IQCM: variants seen among roughly 807,000 people sequenced by gnomAD.
The protein encoded by IQCM is IQ motif containing M, also known as IQ domain-containing protein M.
In IQCM, 45 loss-of-function variants were observed where a neutral mutation model predicts 57.6. The observed-to-expected ratio is 0.78, with a 90% CI of 0.62 to 1.00. The LOEUF is 1.00. IQCM is among the 50% of genes least tolerant of loss of function. IQCM has a pLI of 0.00. For missense variants in IQCM, 468 were observed against 511.6 expected, an observed-to-expected ratio of 0.91 and a Z score of 0.82; for synonymous variants, 148 against 158.9, an observed-to-expected ratio of 0.93 and a Z score of 0.51.
chr4:149,680,740 C>T (rs1762118742), intron 7 of IQCM, among the ~76,000 whole-genome samples: 2 of 151,436 alleles, frequency 1.3e-5, no homozygotes, highest in Non-Finnish European at 3.0e-5. Context: ...AAACTTATCA[C>T]ATGGGTGACT....
chr4:149,574,827 G>A (rs1751486790), intron 9 of IQCM, among the ~76,000 whole-genome samples: 1 of 151,934 alleles, frequency 6.6e-6, no homozygotes, highest in Non-Finnish European at 1.5e-5. Flanking sequence ...TTCATAGGTT[G>A]AAAGTGATTA....
intron 5 of IQCM, among the ~76,000 whole-genome samples, chr4:149,716,131 T>G (rs1764973048): frequency 6.6e-6 from 1 of 152,148 alleles, no homozygotes; most frequent in African/African-American, 2.4e-5. Context: ...CCTGCTGCCA[T>G]CAACCTGCCA....
At chr4:149,476,250 C>T (rs1466125992) in intron 12 of IQCM, among the ~76,000 whole-genome samples, 2 of 152,074 alleles carry the variant, frequency 1.3e-5, no homozygotes, top group South Asian at 2.1e-4. Context: ...ATAACAAAGG[C>T]GTAAATAGTT....
At chr4:149,761,884 T>A (rs1769552946) in intron 2 of IQCM, among the ~76,000 whole-genome samples, 1 of 152,090 alleles carries the variant, frequency 6.6e-6, no homozygotes, top group Non-Finnish European at 1.5e-5. Context: ...TTCTCAAATA[T>A]GTATAGCATT....
chr4:149,698,901 T>C (rs1763541958), intron 5 of IQCM, among the ~76,000 whole-genome samples: 1 of 152,008 alleles, frequency 6.6e-6, no homozygotes, highest in Admixed American at 6.6e-5. Context: ...AAAAAGTATA[T>C]AAGGATAAAA....
intron 9 of IQCM, among the ~76,000 whole-genome samples, chr4:149,586,680 C>T (rs1269551170): frequency 5.3e-5 from 8 of 151,384 alleles, no homozygotes; most frequent in Non-Finnish European, 1.2e-4. Flanking sequence ...TGGATGTAGT[C>T]TTCTATAACT....
At chr4:149,469,877 T>C (rs1739314404) in intron 12 of IQCM, among the ~76,000 whole-genome samples, 1 of 152,052 alleles carries the variant, frequency 6.6e-6, no homozygotes, top group Non-Finnish European at 1.5e-5. Context: ...CAAACTAAGC[T>C]TCATAAGTGA....
chr4:149,468,167 C>T (rs1452662231), intron 12 of IQCM, among the ~76,000 whole-genome samples: 1 of 152,062 alleles, frequency 6.6e-6, no homozygotes, highest in Admixed American at 6.5e-5. Context: ...GCCCATGGAG[C>T]TGGGCGGGGC....
intron 9 of IQCM, among the ~76,000 whole-genome samples, chr4:149,572,543 T>G (rs1013820755): frequency 5.3e-5 from 8 of 152,070 alleles, no homozygotes; most frequent in Middle Eastern, 3.4e-3. Context: ...AAAAGATATA[T>G]ATGTATATAT....
intron 12 of IQCM, among the ~76,000 whole-genome samples, chr4:149,455,077 G>A (rs533287942): frequency 6.6e-6 from 1 of 152,182 alleles, no homozygotes; most frequent in East Asian, 1.9e-4. Flanking sequence ...TAAACATTCA[G>A]TATGCTTCTC....
At chr4:149,513,870 T>C (rs1019802638) in intron 12 of IQCM, among the ~76,000 whole-genome samples, 1 of 152,148 alleles carries the variant, frequency 6.6e-6, no homozygotes, top group African/African-American at 2.4e-5. Context: ...AATTAAAGCA[T>C]GCCAAGTTTA....
intron 7 of IQCM, among the ~76,000 whole-genome samples, chr4:149,655,803 T>TAACTA (rs1010377743): frequency 6.6e-6 from 1 of 152,154 alleles, no homozygotes; most frequent in Admixed American, 6.6e-5. Flanking sequence ...CTTTAGTTCA[T>TAACTA]AACTAAACTA....
intron 12 of IQCM, among the ~76,000 whole-genome samples, chr4:149,537,730 C>A (rs1298790210): frequency 2.6e-5 from 4 of 151,824 alleles, no homozygotes; most frequent in African/African-American, 9.7e-5. Flanking sequence ...AATGCCTCAT[C>A]ATACACAAGA....
At chr4:149,786,228 G>A (rs1309807170) in intron 2 of IQCM, among the ~76,000 whole-genome samples, 2 of 152,160 alleles carry the variant, frequency 1.3e-5, no homozygotes, top group South Asian at 4.1e-4. Context: ...TTACTGCCTG[G>A]AGGGAATTTC....
At chr4:149,660,195 A>T (rs1257273544) in intron 7 of IQCM, among the ~76,000 whole-genome samples, 1 of 151,524 alleles carries the variant, frequency 6.6e-6, no homozygotes, top group Non-Finnish European at 1.5e-5. Flanking sequence ...ACTTCTCAAA[A>T]GAAGACATTT....
In IQCM at chr4:149,473,546, C is replaced by T. The variant is rs547072393; in HGVS notation, c.1229-39989G>A. On this transcript the variant is annotated intron_variant, in intron 12 of 13. Coordinates refer to ENST00000636793, the MANE Select transcript of IQCM (RefSeq NM_001363507.2). ...TTGGTGGGACTGTAAACTAATTCAACCATTGTGGAAGACAGTGTGGTGATT... is the reference window on the plus strand; with the variant it reads ...TTGGTGGGACTGTAAACTAATTCAATCATTGTGGAAGACAGTGTGGTGATT... Among the ~76,000 whole-genome samples the T allele has an allele frequency of 1.6e-4, 25 of 152,308 alleles. No homozygotes were observed. The East Asian group carries it at 3.1e-3, about 19-fold the overall frequency.
intron 2 of IQCM, among the ~76,000 whole-genome samples, chr4:149,763,162 C>T (rs927485062): frequency 6.6e-6 from 1 of 151,792 alleles, no homozygotes; most frequent in Non-Finnish European, 1.5e-5. Context: ...TCATCACGGT[C>T]GTCACCAGGA....
At chr4:149,409,414 T>C (rs1733215313) in intron 13 of IQCM, among the ~76,000 whole-genome samples, 1 of 152,240 alleles carries the variant, frequency 6.6e-6, no homozygotes, top group South Asian at 2.1e-4. Context: ...TCATAGGATG[T>C]GGCAAATAGT....
chr4:149,694,628 T>C (rs1256266421), intron 5 of IQCM, among the ~76,000 whole-genome samples: 1 of 152,134 alleles, frequency 6.6e-6, no homozygotes, highest in Non-Finnish European at 1.5e-5. Flanking sequence ...AACCAATGTA[T>C]TACTGGAAAC....
Sources: gnomAD v4.1 joint callset for allele counts (sites outside exome capture counted in the v4.1 genomes callset) on GRCh38, gnomAD v4.1.1 for gene constraint, MANE v1.5 for transcripts, NCBI Gene and HGNC (gene_info 2026-07-23, HGNC 2026-07-21) for gene names.